The following ADGRB3 variants were observed in gnomAD, a reference collection of about 807,000 sequenced individuals.
ADGRB3 encodes adhesion G protein-coupled receptor B3.
Under a neutral mutation model 193.4 loss-of-function variants are expected in ADGRB3, and 37 were observed. The ratio of observed to expected loss-of-function variants is 0.19; its 90% CI spans 0.15 to 0.25. ADGRB3 has a LOEUF of 0.25. Ranked by LOEUF, ADGRB3 falls within the 10% of genes least tolerant of loss-of-function variation. The pLI is 1.00. For synonymous variants in ADGRB3, 690 were observed against 644.2 expected (o/e 1.07, Z -1.08); for missense variants, 1,637 against 1,852.9 (o/e 0.88, Z 2.14).
intron 3 of ADGRB3, among the ~76,000 whole-genome samples, chr6:68,687,135 ATATC>A (rs934610524): frequency 4.6e-5 from 7 of 151,996 alleles, no homozygotes; most frequent in African/African-American, 1.7e-4. Flanking sequence ...TATAGAGAAA[ATATC>A]TATATACATG....
At chr6:69,143,314 A>G (rs946468077) in intron 17 of ADGRB3, among the ~76,000 whole-genome samples, 5 of 151,648 alleles carry the variant, frequency 3.3e-5, no homozygotes, top group South Asian at 2.1e-4. Context: ...GTTTGAAAAT[A>G]TTTTCTCTCA....
intron 26 of ADGRB3, among the ~76,000 whole-genome samples, chr6:69,343,449 C>G (rs917998134): frequency 5.4e-5 from 8 of 148,838 alleles, no homozygotes; most frequent in Admixed American, 2.8e-4. Context: ...GTTTTTTGTT[C>G]TTGCGATAGT....
chr6:69,365,312 C>A (rs1344370807), intron 29 of ADGRB3, among the ~76,000 whole-genome samples: 1 of 152,044 alleles, frequency 6.6e-6, no homozygotes, highest in Non-Finnish European at 1.5e-5. Flanking sequence ...TTTGGAAGCA[C>A]CTTGTATGTC....
chr6:69,281,198 G>T (rs978794910), intron 20 of ADGRB3, among the ~76,000 whole-genome samples: 1 of 152,120 alleles, frequency 6.6e-6, no homozygotes, highest in Non-Finnish European at 1.5e-5. Flanking sequence ...CTTTTCTGCT[G>T]GTCAAATGTG....
chr6:68,680,682 G>A (rs1471951452), intron 3 of ADGRB3, among the ~76,000 whole-genome samples: 1 of 152,106 alleles, frequency 6.6e-6, no homozygotes, highest in African/African-American at 2.4e-5. Flanking sequence ...GTGGCAATTG[G>A]TCTTATAGTT....
intron 3 of ADGRB3, among the ~76,000 whole-genome samples, chr6:68,922,253 T>A (rs1403519929): frequency 6.6e-6 from 1 of 152,210 alleles, no homozygotes. Flanking sequence ...GTTTGTTGAA[T>A]GAGTGAAATG....
At chr6:69,047,917 G>A (rs945208784) in intron 13 of ADGRB3, among the ~76,000 whole-genome samples, 1 of 152,098 alleles carries the variant, frequency 6.6e-6, no homozygotes, top group African/African-American at 2.4e-5. Context: ...AGCAGTGCCT[G>A]TTAATACTCT....
intron 3 of ADGRB3, among the ~76,000 whole-genome samples, chr6:68,790,273 C>T (rs746154561): frequency 1.9e-4 from 29 of 152,080 alleles, no homozygotes; most frequent in Admixed American, 3.3e-4. Flanking sequence ...GAGGGGTGCC[C>T]GCCATTGTTG....
chr6:68,840,340 T>G (rs1768127587), intron 3 of ADGRB3, among the ~76,000 whole-genome samples: 1 of 135,960 alleles, frequency 7.4e-6, no homozygotes. Context: ...CAGGCCACAG[T>G]GGGGCAGTGG....
chr6:68,771,992 C>A (rs1255736136), intron 3 of ADGRB3, among the ~76,000 whole-genome samples: 1 of 152,084 alleles, frequency 6.6e-6, no homozygotes, highest in African/African-American at 2.4e-5. Flanking sequence ...TTGTCACTTG[C>A]TTCTATTTAT....
chr6:69,294,229 T>C (rs1296009958), intron 20 of ADGRB3, among the ~76,000 whole-genome samples: 1 of 152,086 alleles, frequency 6.6e-6, no homozygotes, highest in African/African-American at 2.4e-5. Flanking sequence ...ACATTGTACG[T>C]TGGATTTATC....
intron 17 of ADGRB3, among the ~76,000 whole-genome samples, chr6:69,130,053 A>G (rs1773962593): frequency 6.6e-6 from 1 of 152,126 alleles, no homozygotes; most frequent in African/African-American, 2.4e-5. Context: ...TGGAAAAAAC[A>G]GAAATGTATT....
chr6:68,886,809 T>C (rs1204130524), intron 3 of ADGRB3, among the ~76,000 whole-genome samples: 1 of 152,008 alleles, frequency 6.6e-6, no homozygotes, highest in Non-Finnish European at 1.5e-5. Context: ...AGATTTTATG[T>C]CTAAAAATAT....
intron 3 of ADGRB3, among the ~76,000 whole-genome samples, chr6:68,841,890 G>T (rs1187184517): frequency 6.6e-6 from 1 of 151,722 alleles, no homozygotes; most frequent in Non-Finnish European, 1.5e-5. Flanking sequence ...TGTGTGTGTG[G>T]CAAGGAGTGG....
chr6:69,119,376 C>A (rs566537130), intron 17 of ADGRB3, among the ~76,000 whole-genome samples: 1 of 152,048 alleles, frequency 6.6e-6, no homozygotes, highest in African/African-American at 2.4e-5. Flanking sequence ...TAACAAAGAT[C>A]CCCGTTCTCT....
chr6:69,183,423 A>T (rs1764985733), intron 17 of ADGRB3, among the ~76,000 whole-genome samples: 1 of 152,066 alleles, frequency 6.6e-6, no homozygotes, highest in Non-Finnish European at 1.5e-5. Context: ...ATAATTTAAA[A>T]TTATTGGAGT....
At chr6:68,936,389 T>C in intron 4 of ADGRB3, 130 bp from the exon 5 acceptor site, 1 of 979,146 alleles carries the variant, frequency 1.0e-6, no homozygotes, top group East Asian at 2.7e-5. Context: ...TGTTTTCATG[T>C]ACCTTTTGAT....
chr6:69,127,906 G>GT (rs747033936), intron 17 of ADGRB3, among the ~76,000 whole-genome samples: 5,996 of 142,474 alleles, frequency 0.042, 151 homozygotes, highest in Non-Finnish European at 0.057. Flanking sequence ...TTTTTTTTTT[G>GT]TTTTTTTTTT....
chr6:68,850,294 G>A (rs1247810289), intron 3 of ADGRB3, among the ~76,000 whole-genome samples: 3 of 151,848 alleles, frequency 2.0e-5, no homozygotes, highest in Admixed American at 6.6e-5. Context: ...GGGCACCTGA[G>A]TATAGTTATC....
Sources: gnomAD v4.1 joint callset for allele counts (sites outside exome capture counted in the v4.1 genomes callset) on GRCh38, gnomAD v4.1.1 for gene constraint, MANE v1.5 for transcripts, NCBI Gene and HGNC (gene_info 2026-07-23, HGNC 2026-07-21) for gene names.